CHST11: variants seen among roughly 807,000 people sequenced by gnomAD.
CHST11 encodes C4S-1.
A neutral mutation model predicts 30.4 loss-of-function variants in CHST11; 9 were observed. The ratio of observed to expected loss-of-function variants is 0.30; its 90% CI spans 0.18 to 0.52. CHST11 has a LOEUF of 0.52. Ranked by LOEUF, CHST11 falls within the 20% of genes least tolerant of loss-of-function variation. The pLI is 0.97. For synonymous variants in CHST11, 152 were observed against 187.8 expected (o/e 0.81, Z 1.56); for missense variants, 348 against 460.6 (o/e 0.76, Z 2.24).
chr12:104,503,674 G>A lies in CHST11; in HGVS notation c.118+46145G>A, dbSNP rs187204179. Among the ~76,000 whole-genome samples the A allele has an allele frequency of 1.9e-3, 282 of 152,232 alleles. 6 individuals carry two copies. Among genetic ancestry groups the A allele is most frequent in the Admixed American group, 0.016 (251 of 15,298 alleles). On this transcript the variant is annotated intron_variant, in intron 1 of 2. Coordinates refer to ENST00000303694, the MANE Select transcript of CHST11 (RefSeq NM_018413.6). ...CTTGTGTCCCCTAGAGGCCCTGCAG[G>A]ACTGGGAAGCTGGCCTCCGCTCTCC... is the stretch of plus-strand genomic sequence containing the variant.
chr12:104,590,419 A>T (rs562942350), intron 1 of CHST11, among the ~76,000 whole-genome samples: 2 of 152,316 alleles, frequency 1.3e-5, no homozygotes, highest in South Asian at 4.1e-4. Flanking sequence ...AAAACGGTTT[A>T]GTTTCCTGTC....
chr12:104,749,995 C>T (rs1592874036), intron 2 of CHST11, among the ~76,000 whole-genome samples: 1 of 151,292 alleles, frequency 6.6e-6, no homozygotes, highest in African/African-American at 2.4e-5. Context: ...AATGATTATC[C>T]ATTTCTGGAT....
At chr12:104,475,658 T>TTATATA (rs67453124) in intron 1 of CHST11, among the ~76,000 whole-genome samples, 756 of 33,942 alleles carry the variant, frequency 0.022, 19 homozygotes, top group African/African-American at 0.046. Flanking sequence ...TAAAGCAGCA[T>TTATATA]TATATATATA....
intron 2 of CHST11, among the ~76,000 whole-genome samples, chr12:104,688,144 A>G (rs1427800336): frequency 6.6e-6 from 1 of 152,236 alleles, no homozygotes. Flanking sequence ...GTTGCAGCAG[A>G]GGAAAACAAT....
At chr12:104,645,137 C>T (rs1459438525) in intron 2 of CHST11, among the ~76,000 whole-genome samples, 3 of 151,622 alleles carry the variant, frequency 2.0e-5, no homozygotes, top group Non-Finnish European at 4.4e-5. Flanking sequence ...TTAGTAGAGA[C>T]GGGGTTTCAC....
intron 2 of CHST11, among the ~76,000 whole-genome samples, chr12:104,686,000 G>T (rs2039842482): frequency 6.6e-6 from 1 of 152,092 alleles, no homozygotes; most frequent in Non-Finnish European, 1.5e-5. Context: ...TTCAAAGTGG[G>T]AGGACCACTT....
chr12:104,543,819 T>C (rs2038308030), intron 1 of CHST11, among the ~76,000 whole-genome samples: 1 of 152,098 alleles, frequency 6.6e-6, no homozygotes, highest in South Asian at 2.1e-4. Context: ...CCTTTACTTT[T>C]TTGGGGCACT....
chr12:104,548,267 G>T (rs947963339), intron 1 of CHST11, among the ~76,000 whole-genome samples: 5 of 152,238 alleles, frequency 3.3e-5, no homozygotes, highest in African/African-American at 7.2e-5. Context: ...GAGGCAAGGA[G>T]GCAGGGAGAA....
chr12:104,715,572 G>A (rs1439918051), intron 2 of CHST11, among the ~76,000 whole-genome samples: 2 of 152,186 alleles, frequency 1.3e-5, no homozygotes, highest in African/African-American at 4.8e-5. Context: ...AGATGTGCAA[G>A]TTTGGACATC....
At chr12:104,735,530 CA>C (rs1158302116) in intron 2 of CHST11, among the ~76,000 whole-genome samples, 3 of 152,330 alleles carry the variant, frequency 2.0e-5, no homozygotes, top group African/African-American at 7.2e-5. Flanking sequence ...TCATCCGAGA[CA>C]TCATCTTAGA....
chr12:104,677,595 G>T (rs1293042901), intron 2 of CHST11, among the ~76,000 whole-genome samples: 3 of 152,208 alleles, frequency 2.0e-5, no homozygotes, highest in African/African-American at 4.8e-5. Context: ...CTCCTTCAGG[G>T]TGTCCATTTG....
chr12:104,477,989 A>G (rs1044425914), intron 1 of CHST11, among the ~76,000 whole-genome samples: 12 of 152,172 alleles, frequency 7.9e-5, no homozygotes, highest in African/African-American at 2.9e-4. Context: ...GACTCTAAGA[A>G]GGGTGATGGC....
intron 1 of CHST11, among the ~76,000 whole-genome samples, chr12:104,584,547 A>G (rs1032466173): frequency 2.6e-5 from 4 of 152,136 alleles, no homozygotes; most frequent in Non-Finnish European, 4.4e-5. Context: ...GTGAGCCACC[A>G]TGCCCTGCCT....
At chr12:104,554,330 C>T (rs2038433947) in intron 1 of CHST11, among the ~76,000 whole-genome samples, 2 of 152,116 alleles carry the variant, frequency 1.3e-5, no homozygotes, top group Non-Finnish European at 2.9e-5. Flanking sequence ...GAGGGAACAG[C>T]ATGTGCAAGG....
chr12:104,580,923 A>G (rs1309947419), intron 1 of CHST11, among the ~76,000 whole-genome samples: 3 of 152,202 alleles, frequency 2.0e-5, no homozygotes, highest in Non-Finnish European at 4.4e-5. Flanking sequence ...ATTGTCTCAG[A>G]ACTTTCAGTT....
At chr12:104,545,573 A>G (rs779387235) in intron 1 of CHST11, among the ~76,000 whole-genome samples, 3 of 152,228 alleles carry the variant, frequency 2.0e-5, no homozygotes, top group African/African-American at 7.2e-5. Context: ...TAATCTTACT[A>G]TCACTGTACC....
At chr12:104,698,079 A>G (rs555628073) in intron 2 of CHST11, among the ~76,000 whole-genome samples, 104 of 152,292 alleles carry the variant, frequency 6.8e-4, no homozygotes, top group African/African-American at 1.7e-3. Context: ...AGTTGAATGC[A>G]TCAGCATGTT....
intron 1 of CHST11, among the ~76,000 whole-genome samples, chr12:104,479,674 T>C (rs1427274555): frequency 6.6e-6 from 1 of 152,180 alleles, no homozygotes; most frequent in African/African-American, 2.4e-5. Context: ...CTTGCACTCT[T>C]AGGTAGTAGG....
chr12:104,529,867 A>G (rs2038163734), intron 1 of CHST11, among the ~76,000 whole-genome samples: 1 of 152,340 alleles, frequency 6.6e-6, no homozygotes, highest in African/African-American at 2.4e-5. Flanking sequence ...ACTAAAAAGC[A>G]TGATTACAGG....
Sources: allele counts gnomAD v4.1 joint callset (sites outside exome capture counted in the v4.1 genomes callset), GRCh38; gene constraint gnomAD v4.1.1; transcripts MANE v1.5; gene names NCBI Gene and HGNC (gene_info 2026-07-23, HGNC 2026-07-21).